Variants in ESR1 observed in about 807,000 individuals in gnomAD.
ESR1 encodes the protein estrogen receptor 1, also known as estrogen receptor.
In ESR1, 12 loss-of-function variants were observed where a neutral mutation model predicts 52.7. The ratio of observed to expected loss-of-function variants is 0.23; its 90% CI spans 0.15 to 0.37. ESR1 has a LOEUF of 0.37. Among genes scored for constraint, ESR1 ranks in the 10% least tolerant of loss-of-function variants. The pLI, the probability that ESR1 is intolerant of heterozygous loss-of-function variation, is 1.00. For missense variants in ESR1, 584 were observed against 779.7 expected (o/e 0.75, Z 2.99); for synonymous variants, 305 against 316.8 (o/e 0.96, Z 0.39).
upstream of ESR1, among the ~76,000 whole-genome samples, chr6:151,802,171 A>T (rs1331252133): frequency 6.6e-6 from 1 of 152,190 alleles, no homozygotes; most frequent in Non-Finnish European, 1.5e-5. Flanking sequence ...AGAAACAAAA[A>T]CTCAAGGTCA....
At chr6:151,824,301 C>T (rs924473140) in intron 1 of ESR1, among the ~76,000 whole-genome samples, 6 of 152,134 alleles carry the variant, frequency 3.9e-5, no homozygotes, top group Non-Finnish European at 1.5e-5. Context: ...TATCCTTCGC[C>T]CACTTGTTGA....
At chr6:151,926,260 G>A (rs1010461638) in intron 3 of ESR1, among the ~76,000 whole-genome samples, 2 of 152,124 alleles carry the variant, frequency 1.3e-5, no homozygotes, top group Non-Finnish European at 2.9e-5. Context: ...GTCTTGAAAT[G>A]AAATAGTGCA....
intron 1 of ESR1, among the ~76,000 whole-genome samples, chr6:151,836,050 G>T (rs1783277419): frequency 6.6e-6 from 1 of 152,144 alleles, no homozygotes; most frequent in African/African-American, 2.4e-5. Flanking sequence ...ATGATTGGAG[G>T]CAGGAGAGTA....
intron 5 of ESR1, among the ~76,000 whole-genome samples, chr6:152,031,480 A>G (rs896695167): frequency 1.3e-5 from 2 of 152,238 alleles, no homozygotes; most frequent in Non-Finnish European, 2.9e-5. Flanking sequence ...CCACAGAAAT[A>G]CAAACTACCA....
intron 3 of ESR1, among the ~76,000 whole-genome samples, chr6:151,898,889 T>C (rs535499137): frequency 6.6e-6 from 1 of 152,162 alleles, no homozygotes; most frequent in Non-Finnish European, 1.5e-5. Context: ...ATTGTCATCA[T>C]GGCCCGTTCT....
At chr6:152,038,849 T>G (rs2045545841) in intron 5 of ESR1, among the ~76,000 whole-genome samples, 1 of 152,154 alleles carries the variant, frequency 6.6e-6, no homozygotes. Context: ...CAGGCTGGTC[T>G]TGAACTCCTG....
intron 1 of ESR1, among the ~76,000 whole-genome samples, chr6:151,676,126 C>A (rs927880654): frequency 6.6e-6 from 1 of 152,162 alleles, no homozygotes; most frequent in African/African-American, 2.4e-5. Context: ...TGGTGTAAGT[C>A]AAAGAGCAAA....
rs2050907957 is a variant in ESR1, at chr6:152,100,029, A to G, written c.*1063A>G. Reference sequence around the variant, plus strand: ...ATTGTTGTGGCTACTAGAGAACAAGAGGGAAAGTAGGGCAGAAACTGGATA... The same window carrying G: ...ATTGTTGTGGCTACTAGAGAACAAGGGGGAAAGTAGGGCAGAAACTGGATA... On this transcript the variant is annotated 3_prime_UTR_variant, in exon 8 of 8. Coordinates refer to ENST00000206249, the MANE Select transcript of ESR1 (RefSeq NM_000125.4). 2 of 398,660 alleles carry G rather than the reference A, an allele frequency of 5.0e-6. No individual in the cohort carries two copies. The allele number at this position is 398,660 out of a possible 1,614,324, so 24.7% of individuals were successfully genotyped here.
At chr6:151,926,886 T>A (rs1176430436) in intron 3 of ESR1, among the ~76,000 whole-genome samples, 3 of 152,184 alleles carry the variant, frequency 2.0e-5, no homozygotes, top group African/African-American at 7.2e-5. Context: ...TAGCATAATG[T>A]ATAATAGGAG....
At chr6:151,779,197 G>A (rs1786296109) in intron 2 of ESR1, among the ~76,000 whole-genome samples, 1 of 152,134 alleles carries the variant, frequency 6.6e-6, no homozygotes, top group Non-Finnish European at 1.5e-5. Context: ...TATTGCCTAG[G>A]TTTTCTTCTA....
At chr6:152,001,523 A>C (rs1313411078) in intron 4 of ESR1, among the ~76,000 whole-genome samples, 1 of 152,064 alleles carries the variant, frequency 6.6e-6, no homozygotes, top group African/African-American at 2.4e-5. Context: ...ATTAAATTTC[A>C]GCATGAGTTT....
chr6:151,822,428 C>G (rs982956874), intron 1 of ESR1, among the ~76,000 whole-genome samples: 24 of 152,196 alleles, frequency 1.6e-4, no homozygotes, highest in African/African-American at 3.9e-4. Context: ...ACAAAGCTCA[C>G]TCCCCTCGTG....
intron 1 of ESR1, among the ~76,000 whole-genome samples, chr6:151,694,311 T>A (rs1458003914): frequency 6.6e-6 from 1 of 152,186 alleles, no homozygotes; most frequent in Non-Finnish European, 1.5e-5. Context: ...AATTTGGCCT[T>A]GGGAAAGCAG....
intron 2 of ESR1, among the ~76,000 whole-genome samples, chr6:151,734,466 C>G (rs1782486150): frequency 6.6e-6 from 1 of 152,132 alleles, no homozygotes; most frequent in Non-Finnish European, 1.5e-5. Context: ...CGCTTCCCAG[C>G]ATCTAGCTGA....
At chr6:151,921,359 T>C (rs1338382691) in intron 3 of ESR1, among the ~76,000 whole-genome samples, 1 of 152,202 alleles carries the variant, frequency 6.6e-6, no homozygotes, top group African/African-American at 2.4e-5. Flanking sequence ...TTTGATTCCA[T>C]GCCTTTACTA....
At chr6:152,042,655 C>T (rs1036086311) in intron 5 of ESR1, among the ~76,000 whole-genome samples, 5 of 152,052 alleles carry the variant, frequency 3.3e-5, no homozygotes, top group African/African-American at 7.2e-5. Flanking sequence ...ATTGAGGGGC[C>T]GTGATTCTTT....
chr6:152,014,343 C>T (rs1413681491), intron 5 of ESR1, among the ~76,000 whole-genome samples: 2 of 152,076 alleles, frequency 1.3e-5, no homozygotes, highest in Admixed American at 6.6e-5. Context: ...CCTCCAGTTA[C>T]GATAACTAAC....
Position 151,808,480 on chromosome 6 carries a change from G to A in ESR1, c.452+116G>A, listed in dbSNP as rs573346584. 1.1e-4 allele frequency: 106 copies of A among 955,862 alleles called. 1 individual carries two copies. The South Asian group carries it at 2.4e-3, about 22-fold the overall frequency. 59.2% of individuals were successfully genotyped at this position (955,862 alleles called of 1,614,324 possible). A position where few individuals can be genotyped will look rare whatever the true frequency, so the allele number is the denominator to read the frequency against. ...GCGGGAGCCGCGGGACGCGCGACCC[G>A]AGGGTGCGCGCAGGGAGCCCGGGGC... On this transcript the variant is annotated intron_variant, in intron 1 of 7. Coordinates refer to ENST00000206249, the MANE Select transcript of ESR1 (RefSeq NM_000125.4).
At chr6:151,724,998 A>G (rs901147111) in intron 2 of ESR1, among the ~76,000 whole-genome samples, 8 of 152,162 alleles carry the variant, frequency 5.3e-5, no homozygotes, top group Admixed American at 2.0e-4. Context: ...CAGCACATTA[A>G]ATTAGGGAAC....
Sources: allele counts gnomAD v4.1 joint callset (sites outside exome capture counted in the v4.1 genomes callset), GRCh38; gene constraint gnomAD v4.1.1; transcripts MANE v1.5; gene names NCBI Gene and HGNC (gene_info 2026-07-23, HGNC 2026-07-21).